Variants in PTPRN2 observed in about 807,000 individuals in gnomAD.
The protein encoded by PTPRN2 is protein tyrosine phosphatase receptor type N2.
Under a neutral mutation model 118.8 loss-of-function variants are expected in PTPRN2, and 74 were observed. That is an observed-to-expected ratio of 0.62 (90% CI 0.52 to 0.76). The LOEUF (loss-of-function observed/expected upper bound fraction) is 0.76. PTPRN2 is among the 30% of genes least tolerant of loss of function. PTPRN2 has a pLI of 0.00. For missense variants in PTPRN2, 1,481 were observed against 1,394.4 expected, an observed-to-expected ratio of 1.06 and a Z score of -0.99; for synonymous variants, 641 against 608.0, an observed-to-expected ratio of 1.05 and a Z score of -0.80.
intron 9 of PTPRN2, among the ~76,000 whole-genome samples, chr7:158,125,963 C>A (rs1266457247): frequency 6.6e-6 from 1 of 152,210 alleles, no homozygotes; most frequent in Non-Finnish European, 1.5e-5. Context: ...AGCGGTGAGG[C>A]CTCCTGGGCA....
chr7:157,890,019 T>C (rs1477805600), intron 12 of PTPRN2, among the ~76,000 whole-genome samples: 1 of 152,236 alleles, frequency 6.6e-6, no homozygotes, highest in African/African-American at 2.4e-5. Context: ...CAGAATTTGA[T>C]TTATTTGATT....
At chr7:157,938,293 C>T (rs1374208600) in intron 11 of PTPRN2, among the ~76,000 whole-genome samples, 4 of 152,358 alleles carry the variant, frequency 2.6e-5, no homozygotes, top group Non-Finnish European at 4.4e-5. Flanking sequence ...GGGGAGACAT[C>T]GCACAGGAGC....
chr7:158,425,374 C>G (rs111353237), intron 2 of PTPRN2, among the ~76,000 whole-genome samples: 5 of 94,544 alleles, frequency 5.3e-5, no homozygotes, highest in South Asian at 4.5e-4. Flanking sequence ...GTGTCCGAGT[C>G]CAGCCTAGCT....
chr7:158,096,928 A>G (rs1814674520), intron 10 of PTPRN2, among the ~76,000 whole-genome samples: 1 of 152,184 alleles, frequency 6.6e-6, no homozygotes. Flanking sequence ...GATATTACTA[A>G]CGCACAGCAC....
At chr7:158,090,011 T>C (rs1585404266) in intron 10 of PTPRN2, among the ~76,000 whole-genome samples, 1 of 39,892 alleles carries the variant, frequency 2.5e-5, no homozygotes, top group African/African-American at 4.8e-5. Context: ...AAAGAGGGAG[T>C]CTTCACACAA....
chr7:158,256,627 G>A (rs1797040454), intron 3 of PTPRN2, among the ~76,000 whole-genome samples: 1 of 152,118 alleles, frequency 6.6e-6, no homozygotes, highest in Non-Finnish European at 1.5e-5. Context: ...GATGACGGCA[G>A]AGAAGAGGGC....
chr7:158,107,605 T>C (rs547439421), intron 10 of PTPRN2, among the ~76,000 whole-genome samples: 20 of 152,286 alleles, frequency 1.3e-4, no homozygotes, highest in African/African-American at 4.6e-4. Context: ...CCTGTTTCCA[T>C]GGGCAGGCAT....
In PTPRN2 at chr7:157,986,451, G is replaced by A. The variant is rs902225762; in HGVS notation, c.1724-87714C>T. ...TGTGGTCACCGTGGTCAGTGGCAGA[G>A]GTGGGGCTGGAGGTCAGAACTGGCT... On this transcript the variant is annotated intron_variant, in intron 11 of 22. Coordinates refer to ENST00000389418, the MANE Select transcript of PTPRN2 (RefSeq NM_002847.5). This position sits in a 1 kb window ranked among gnomAD's most constrained non-coding sequence, Gnocchi z 4.5. Among the ~76,000 whole-genome samples, 1 of 152,172 alleles carries A rather than the reference G, an allele frequency of 6.6e-6. No homozygotes were observed. The highest frequency in any genetic ancestry group is 1.5e-5 in the Non-Finnish European group (1 of 68,048).
chr7:158,308,921 G>A (rs1306033246), intron 3 of PTPRN2, among the ~76,000 whole-genome samples: 1 of 151,958 alleles, frequency 6.6e-6, no homozygotes, highest in African/African-American at 2.4e-5. Context: ...TACTGAAGCT[G>A]ACTCAAGAAG....
chr7:157,557,641 T>G (rs970541213), intron 21 of PTPRN2, among the ~76,000 whole-genome samples: 3 of 152,016 alleles, frequency 2.0e-5, no homozygotes, highest in Non-Finnish European at 4.4e-5. Flanking sequence ...TAAAGACTTA[T>G]GAAAATTATA....
chr7:157,701,578 G>T lies in PTPRN2; in HGVS notation c.1789-18641C>A, dbSNP rs184277559. Among the ~76,000 whole-genome samples, 1,483 of 152,274 alleles carry T rather than the reference G, an allele frequency of 9.7e-3. 58 individuals carry two copies. The highest frequency in any genetic ancestry group is 0.071 in the Admixed American group (1,084 of 15,302). On this transcript the variant is annotated intron_variant, in intron 12 of 22. Transcript: ENST00000389418. ...AGCTCCAGATGCACCTTCCAGGGGC[G>T]TCTCCTCCTGTCACTCAGCGCTGCC...
chr7:158,251,447 TG>T (rs1323711213), intron 3 of PTPRN2, among the ~76,000 whole-genome samples: 3 of 151,732 alleles, frequency 2.0e-5, no homozygotes, highest in Non-Finnish European at 2.9e-5. Context: ...ATGGTGCATG[TG>T]GGGTGTGTGC....
intron 11 of PTPRN2, among the ~76,000 whole-genome samples, chr7:158,070,540 GGTGGTGGAGGTGCCCA>G: frequency 1.6e-5 from 2 of 126,634 alleles, no homozygotes; most frequent in African/African-American, 7.1e-5. Context: ...AGGTGCTCCT[GGTGGTGGAGGTGCCCA>G]TGGTGGTGGT....
At position 157,995,290 on chromosome 7, in the gene PTPRN2, G is replaced by A. The variant is rs73169729; in HGVS notation, c.1723+86008C>T. On this transcript the variant is annotated intron_variant, in intron 11 of 22. Transcript: ENST00000389418. ...ACTCCTTGTTCCTAAAATCAACGCC[G>A]CATCCCCAGCTTATAGCTCCTTGTT... 2.9e-3 allele frequency among the ~76,000 whole-genome samples: 434 copies of A among 149,234 alleles called. 3 individuals are homozygous for A. The highest frequency in any genetic ancestry group is 4.2e-3 in the Non-Finnish European group (283 of 67,700).
At chr7:157,896,031 C>T (rs889731450) in intron 12 of PTPRN2, among the ~76,000 whole-genome samples, 1 of 151,582 alleles carries the variant, frequency 6.6e-6, no homozygotes, top group Admixed American at 6.6e-5. Context: ...AAAACCCAGA[C>T]CCCCCGATCC....
intron 11 of PTPRN2, among the ~76,000 whole-genome samples, chr7:158,041,581 TG>T (rs1808475182): frequency 6.6e-6 from 1 of 152,122 alleles, no homozygotes; most frequent in Admixed American, 6.5e-5. Context: ...GAGGTTGCAG[TG>T]AGCCAAGATC....
chr7:157,840,242 A>G lies in PTPRN2; in HGVS notation c.1788+58431T>C, dbSNP rs1808294966. Among the ~76,000 whole-genome samples, 3 of 117,770 alleles carry G rather than the reference A, an allele frequency of 2.5e-5. No homozygotes were observed. In the Admixed American group the frequency reaches 2.7e-4, roughly 11 times the overall value. The allele number at this position is 117,770 out of a possible 152,430, so 77.3% of individuals were successfully genotyped here. A position where few individuals can be genotyped will look rare whatever the true frequency, so the allele number is the denominator to read the frequency against. On this transcript the variant is annotated intron_variant, in intron 12 of 22. Transcript: ENST00000389418. ...ACGTGTGACTGTGTGACTGTGTGTG[A>G]CTGTGTAACCGCGTGTGACTGTGTG...
intron 2 of PTPRN2, among the ~76,000 whole-genome samples, chr7:158,333,834 T>A (rs200894243): frequency 0.067 from 4,831 of 72,392 alleles, no homozygotes; most frequent in Middle Eastern, 0.16. Flanking sequence ...ACACCCACAC[T>A]CTCACCATAG....
rs1369930528 is a variant in PTPRN2 at position 158,423,303 on chromosome 7, T to G, written c.163+66432A>C. ...AGCACGGCAGTGAAGGAAGTGGATT[T>G]GGGGGGCTTCCCTCCACCCACAGTA... On this transcript the variant is annotated intron_variant, in intron 2 of 22. Coordinates refer to ENST00000389418, the MANE Select transcript of PTPRN2 (RefSeq NM_002847.5). Among the ~76,000 whole-genome samples the G allele has an allele frequency of 2.6e-5, 4 of 152,322 alleles. No individual in the cohort carries two copies. In the South Asian group the frequency reaches 6.2e-4, roughly 24 times the overall value.
Sources: gnomAD v4.1 joint callset for allele counts (sites outside exome capture counted in the v4.1 genomes callset) on GRCh38, gnomAD v4.1.1 for gene constraint, Gnocchi (gnomAD v3.1) non-coding constraint, MANE v1.5 for transcripts, NCBI Gene and HGNC (gene_info 2026-07-23, HGNC 2026-07-21) for gene names.